The following POLQ variants were observed in gnomAD, a reference collection of about 807,000 sequenced individuals.
The protein encoded by POLQ is epididymis secretory sperm binding protein.
Under a neutral mutation model 259.2 loss-of-function variants are expected in POLQ, and 233 were observed. The ratio of observed to expected loss-of-function variants is 0.90; its 90% CI spans 0.81 to 1.00. POLQ has a LOEUF of 1.00. POLQ is among the 50% of genes least tolerant of loss of function. The pLI, the probability that POLQ is intolerant of heterozygous loss-of-function variation, is 0.00. For synonymous variants in POLQ, 1,025 were observed against 1,048.8 expected (o/e 0.98, Z 0.44); for missense variants, 2,871 against 3,051.6 (o/e 0.94, Z 1.39).
intron 6 of POLQ, among the ~76,000 whole-genome samples, chr3:121,532,411 TA>T (rs1369253799): frequency 7.2e-5 from 11 of 152,228 alleles, no homozygotes; most frequent in East Asian, 5.8e-4. Context: ...CAAGATCAGT[TA>T]TTTTTTTTAA....
chr3:121,476,529 C>G lies in POLQ; in HGVS notation c.6405+11G>C. 1 of 1,599,184 alleles carries G rather than the reference C, an allele frequency of 6.3e-7. No individual in the cohort carries two copies. Among genetic ancestry groups the G allele is most frequent in the Non-Finnish European group, 8.6e-7 (1 of 1,168,498 alleles). On this transcript the variant is annotated intron_variant, in intron 20 of 29. Transcript: ENST00000264233. ...AATTATGTATCTATATCCCTAGCCCCATGATACAACCTCAGCGATGTCATC... is the reference window on the plus strand; with the variant it reads ...AATTATGTATCTATATCCCTAGCCCGATGATACAACCTCAGCGATGTCATC...
Position 121,497,683 on chromosome 3 carries a change from C to T in POLQ, c.2154-751G>A, listed in dbSNP as rs200267977. On this transcript the variant is annotated intron_variant, in intron 13 of 29. Transcript: ENST00000264233. The stretch of plus-strand genomic sequence containing the variant: ...AACTCCTGACCTCAAGTGATCCGCC[C>T]ACTTTGGCCTCCCAAAGTGCTGGGA... 5.9e-5 allele frequency among the ~76,000 whole-genome samples: 9 copies of T among 152,252 alleles called. No homozygotes were observed. In the East Asian group the frequency reaches 1.7e-3, roughly 30 times the overall value.
intron 21 of POLQ, among the ~76,000 whole-genome samples, chr3:121,472,959 C>A (rs2047897438): frequency 6.6e-6 from 1 of 152,230 alleles, no homozygotes; most frequent in Non-Finnish European, 1.5e-5. Context: ...TGCAGTGGCT[C>A]ATGCCTGTAA....
At chr3:121,438,693 A>C (rs2047564251) in intron 27 of POLQ, among the ~76,000 whole-genome samples, 1 of 152,170 alleles carries the variant, frequency 6.6e-6, no homozygotes, top group South Asian at 2.1e-4. Flanking sequence ...CTGAAACCTA[A>C]ATAATTAAGT....
rs780001168 is a variant in POLQ, at chr3:121,493,515, C to T, written c.2485G>A (p.Val829Met). 4 of 1,613,758 alleles carry T rather than the reference C, an allele frequency of 2.5e-6. No homozygotes were observed. The highest frequency in any genetic ancestry group is 3.4e-6 in the Non-Finnish European group (4 of 1,179,728). Residue 829 changes from valine (V) to methionine (M), a missense_variant, in exon 15 of 30, where the codon GTG (valine) becomes ATG (methionine). Physicochemically the swap from Val to Met is conservative, Grantham distance 21. Transcript: ENST00000264233. The part of the protein sequence containing the change: ...ADLARANIVE[V>M]EVILKNAVPF... Reference sequence around the variant, plus strand: ...ACAGCATTTTTCAGAATCACCTCCACCTCCACAATATTTGCTCTAGCAAGG... The same window carrying T: ...ACAGCATTTTTCAGAATCACCTCCATCTCCACAATATTTGCTCTAGCAAGG...
chr3:121,439,849 A>G, intron 27 of POLQ, 143 bp downstream of exon 27: 1 of 708,328 alleles, frequency 1.4e-6, no homozygotes, highest in South Asian at 1.9e-5. Context: ...TCCTTAATGA[A>G]ACCAATGGTT....
intron 9 of POLQ, among the ~76,000 whole-genome samples, chr3:121,513,600 CAAAAAAAAAAAAA>C (rs59962408): frequency 5.8e-5 from 3 of 51,542 alleles, no homozygotes; most frequent in East Asian, 8.4e-4. Flanking sequence ...GACTCTATCT[CAAAAAAAAAAAAA>C]AAAAAAAAAA....
chr3:121,465,529 C>T (rs7644962), intron 24 of POLQ, among the ~76,000 whole-genome samples: 104,904 of 151,806 alleles, frequency 0.69, 36,421 homozygotes, highest in East Asian at 0.89. Flanking sequence ...AGGTTTTTTT[C>T]TTAAAGAAAT....
intron 5 of POLQ, among the ~76,000 whole-genome samples, chr3:121,535,793 GT>G (rs2048446494): frequency 6.6e-6 from 1 of 151,636 alleles, no homozygotes; most frequent in Admixed American, 6.6e-5. Context: ...ACCTATGTGT[GT>G]TCACTGAAAT....
chr3:121,501,712 G>T (rs555533493), intron 12 of POLQ, among the ~76,000 whole-genome samples: 3 of 146,478 alleles, frequency 2.0e-5, no homozygotes, highest in African/African-American at 7.5e-5. Flanking sequence ...AGGCGCAGCG[G>T]CTCATGCCTG....
Position 121,487,998 on chromosome 3 carries a change from T to A in POLQ, c.4933A>T (p.Ile1645Phe). 1.2e-6 allele frequency: 2 copies of A among 1,612,956 alleles called. No homozygotes were observed. Among genetic ancestry groups the A allele is most frequent in the Non-Finnish European group, 1.7e-6 (2 of 1,179,522 alleles). The change falls in exon 16 of 30, where the codon ATT (isoleucine) becomes TTT (phenylalanine). Residue 1645 changes from isoleucine (I) to phenylalanine (F), a missense_variant. By Grantham distance (21) the Ile-to-Phe change is conservative. This residue lies in a region of POLQ where 2,080 missense variants were observed against 2,126.0 expected (regional missense o/e 0.98). Transcript: ENST00000264233. ...AGAGGACTGGATACTTTATCTAAAA[T>A]CCTTTGCAGTCCTGGACTTAGATCA... Reference protein sequence around the residue: ...SFDLSPGLQRILDKVSSPLEN... With the variant: ...SFDLSPGLQRFLDKVSSPLEN...
intron 20 of POLQ, among the ~76,000 whole-genome samples, chr3:121,475,912 A>G (rs566590208): frequency 6.6e-6 from 1 of 152,106 alleles, no homozygotes; most frequent in East Asian, 1.9e-4. Flanking sequence ...TCAGCTAGGT[A>G]TTGGCTTGGG....
At chr3:121,503,104 A>C (rs2048184913) in intron 12 of POLQ, among the ~76,000 whole-genome samples, 1 of 152,230 alleles carries the variant, frequency 6.6e-6, no homozygotes, top group South Asian at 2.1e-4. Context: ...GTGACATCAT[A>C]GTCATCAAAT....
At chr3:121,495,438 C>CA (rs1304306368) in intron 14 of POLQ, among the ~76,000 whole-genome samples, 2 of 152,142 alleles carry the variant, frequency 1.3e-5, no homozygotes, top group African/African-American at 4.8e-5. Flanking sequence ...GAAACCAAAA[C>CA]AAGTGCCATG....
At chr3:121,530,080 A>G (rs996579993) in intron 6 of POLQ, among the ~76,000 whole-genome samples, 2 of 152,206 alleles carry the variant, frequency 1.3e-5, no homozygotes, top group African/African-American at 4.8e-5. Flanking sequence ...AGATCCTAAT[A>G]GTCAAGGGGT....
chr3:121,489,394 G>T lies in POLQ; in HGVS notation c.3537C>A (p.Asn1179Lys). ...CATGGTGTTTCATATAAACATTCTG[G>T]TTTTTTGAACCATTTTGTATCAGCA... is the stretch of plus-strand genomic sequence containing the variant. ...NEVLIQNGSK[N>K]QNVYMKHHDI... The change falls in exon 16 of 30, where the codon AAC (asparagine) becomes AAA (lysine). Residue 1179 changes from asparagine (N) to lysine (K), a missense_variant. Physicochemically the swap from Asn to Lys is moderately conservative, Grantham distance 94. This residue lies in a region of POLQ where 2,080 missense variants were observed against 2,126.0 expected (regional missense o/e 0.98). Coordinates refer to ENST00000264233, the MANE Select transcript of POLQ (RefSeq NM_199420.4). 6.2e-7 allele frequency: 1 copy of T among 1,613,456 alleles called. No individual in the cohort carries two copies. The highest frequency in any genetic ancestry group is 8.5e-7 in the Non-Finnish European group (1 of 1,179,850).
At chr3:121,501,751 G>A (rs191649711) in intron 12 of POLQ, among the ~76,000 whole-genome samples, 269 of 151,570 alleles carry the variant, frequency 1.8e-3, no homozygotes, top group Admixed American at 4.7e-3. Flanking sequence ...AGGCTGGGTG[G>A]GCGGGGTTTG....
chr3:121,543,586 C>T (rs1030020360), intron 2 of POLQ, among the ~76,000 whole-genome samples: 4 of 152,110 alleles, frequency 2.6e-5, no homozygotes, highest in African/African-American at 7.2e-5. Context: ...CTCATAATTT[C>T]GGAGAAAACT....
chr3:121,504,241 A>G (rs2048193147), intron 12 of POLQ, among the ~76,000 whole-genome samples: 1 of 152,256 alleles, frequency 6.6e-6, no homozygotes, highest in African/African-American at 2.4e-5. Context: ...CACATAAATA[A>G]AAAGGATTAT....
Sources: gnomAD v4.1 joint callset for allele counts (sites outside exome capture counted in the v4.1 genomes callset) on GRCh38, gnomAD v4.1.1 for gene constraint, gnomAD v4.1.1 regional missense constraint, MANE v1.5 for transcripts, NCBI Gene and HGNC (gene_info 2026-07-23, HGNC 2026-07-21) for gene names.